PLCB1: variants seen among roughly 807,000 people sequenced by gnomAD.
PLCB1 encodes phospholipase C beta 1.
PLCB1 carries 46 observed loss-of-function variants against 161.8 expected under a neutral mutation model. The ratio of observed to expected loss-of-function variants is 0.28; its 90% CI spans 0.22 to 0.36. The LOEUF (loss-of-function observed/expected upper bound fraction) is 0.36. PLCB1 is among the 10% of genes least tolerant of loss of function. The pLI is 1.00. For synonymous variants in PLCB1, 517 were observed against 503.7 expected (o/e 1.03, Z -0.35); for missense variants, 1,016 against 1,472.5 (o/e 0.69, Z 5.07).
rs202026947 is a variant in PLCB1, at chr20:8,525,781, CT to C, written c.247-102500del. 5.4e-3 allele frequency among the ~76,000 whole-genome samples: 773 copies of C among 142,296 alleles called. 1 individual carries two copies. Among genetic ancestry groups the C allele is most frequent in the Non-Finnish European group, 6.4e-3 (415 of 64,662 alleles). The allele number at this position is 142,296 out of a possible 152,430, so 93.4% of individuals were successfully genotyped here. The stretch of plus-strand genomic sequence containing the variant: ...TCTATCCAACAATTGAAAAAAACAG[CT>C]TTTTTTTTTTTTGCTTGGAGGCTAG... On this transcript the variant is annotated intron_variant, in intron 3 of 31. Transcript: ENST00000338037.
chr20:8,144,322 ATTT>A (rs2051432625), intron 1 of PLCB1, among the ~76,000 whole-genome samples: 1 of 152,114 alleles, frequency 6.6e-6, no homozygotes, highest in Admixed American at 6.5e-5. Flanking sequence ...CTGGGCTTTA[ATTT>A]GGTTCTCTCG....
At chr20:8,553,658 A>T (rs188370211) in intron 3 of PLCB1, among the ~76,000 whole-genome samples, 3 of 152,230 alleles carry the variant, frequency 2.0e-5, no homozygotes, top group African/African-American at 7.2e-5. Flanking sequence ...AGTAAAGGAA[A>T]ATTCAAGCAA....
At chr20:8,330,642 A>G (rs1985331793) in intron 2 of PLCB1, among the ~76,000 whole-genome samples, 1 of 152,134 alleles carries the variant, frequency 6.6e-6, no homozygotes, top group Admixed American at 6.5e-5. Context: ...CAGGATTCCT[A>G]TTTTCTTGAT....
intron 10 of PLCB1, among the ~76,000 whole-genome samples, chr20:8,685,570 CAA>C (rs72078385): frequency 8.2e-6 from 1 of 121,606 alleles, no homozygotes; most frequent in Admixed American, 9.1e-5. Flanking sequence ...ACTAAAAATA[CAA>C]AAAAAAAAAA....
At chr20:8,744,616 T>TAAATTAAAATAAAATAAAATAAAATA (rs1981057558) in intron 23 of PLCB1, among the ~76,000 whole-genome samples, 2 of 121,220 alleles carry the variant, frequency 1.6e-5, no homozygotes, top group African/African-American at 6.4e-5. Context: ...AAAAATAAAA[T>TAAATTAAAATAAAATAAAATAAAATA]AAATAAAATA....
At position 8,418,776 on chromosome 20, in the gene PLCB1, G is replaced by C. The variant is rs1054338404; in HGVS notation, c.246+47326G>C. On this transcript the variant is annotated intron_variant, in intron 3 of 31. Transcript: ENST00000338037. Reference sequence around the variant, plus strand: ...TAAAGCACTAAACTCTAGAGGCATGGGTTGGCTGAAACACACAGATGACTT... The same window carrying C: ...TAAAGCACTAAACTCTAGAGGCATGCGTTGGCTGAAACACACAGATGACTT... 3.3e-5 allele frequency among the ~76,000 whole-genome samples: 5 copies of C among 152,030 alleles called. No homozygotes were observed. In the East Asian group the frequency reaches 9.7e-4, roughly 29 times the overall value.
intron 3 of PLCB1, among the ~76,000 whole-genome samples, chr20:8,394,594 A>G (rs1293746802): frequency 6.6e-6 from 1 of 152,150 alleles, no homozygotes; most frequent in Non-Finnish European, 1.5e-5. Flanking sequence ...AAATGAAGTT[A>G]ATAGTACTAT....
At chr20:8,385,447 C>T (rs557894505) in intron 3 of PLCB1, among the ~76,000 whole-genome samples, 5 of 152,328 alleles carry the variant, frequency 3.3e-5, no homozygotes, top group Admixed American at 6.5e-5. Context: ...GGGAGCTTAG[C>T]GTGACAGGCA....
chr20:8,228,880 A>C (rs6055675), intron 2 of PLCB1, among the ~76,000 whole-genome samples: 103,659 of 151,882 alleles, frequency 0.68, 35,545 homozygotes, highest in East Asian at 0.77. Context: ...AGAAGCTCAC[A>C]ATTTGTTTTG....
intron 3 of PLCB1, among the ~76,000 whole-genome samples, chr20:8,603,069 G>A (rs531531887): frequency 6.6e-5 from 10 of 152,208 alleles, no homozygotes; most frequent in South Asian, 6.2e-4. Flanking sequence ...GAAGGACACC[G>A]AAACACAGAA....
At position 8,883,866 on chromosome 20, in the gene PLCB1, G is replaced by A. The variant is rs1419491910; in HGVS notation, c.*2017G>A. On this transcript the variant is annotated 3_prime_UTR_variant, in exon 32 of 32. Transcript: ENST00000338037. The stretch of plus-strand genomic sequence containing the variant: ...TCTACTTTTGCACTTTGAAAGAAAG[G>A]CGTTAATCATAAAGAAGCAAGAATG... The A allele has an allele frequency of 6.6e-6, 1 of 152,442 alleles. No individual in the cohort carries two copies. The highest frequency in any genetic ancestry group is 1.5e-5 in the Non-Finnish European group (1 of 67,954). The allele number at this position is 152,442 out of a possible 1,614,324, so 9.4% of individuals were successfully genotyped here.
chr20:8,350,941 C>T (rs748872522), intron 2 of PLCB1, among the ~76,000 whole-genome samples: 7 of 151,968 alleles, frequency 4.6e-5, no homozygotes, highest in Non-Finnish European at 7.4e-5. Flanking sequence ...CATTGAACCA[C>T]GGATTCAATG....
chr20:8,817,222 A>G (rs1288733859), intron 31 of PLCB1, among the ~76,000 whole-genome samples: 1 of 152,228 alleles, frequency 6.6e-6, no homozygotes, highest in Non-Finnish European at 1.5e-5. Flanking sequence ...AAATGCATCA[A>G]TGAATGGGAA....
chr20:8,432,190 A>T (rs1980074097), intron 3 of PLCB1, among the ~76,000 whole-genome samples: 1 of 152,132 alleles, frequency 6.6e-6, no homozygotes, highest in Non-Finnish European at 1.5e-5. Flanking sequence ...TGAAAGAGGG[A>T]AACAGGGACG....
At chr20:8,808,498 A>C (rs1456351470) in intron 31 of PLCB1, among the ~76,000 whole-genome samples, 1 of 152,146 alleles carries the variant, frequency 6.6e-6, no homozygotes, top group African/African-American at 2.4e-5. Context: ...ATATAATCAC[A>C]TTGAGGGTTA....
Position 8,340,791 on chromosome 20 carries a change from T to G in PLCB1, c.178-30591T>G, listed in dbSNP as rs187822123. ...GAATTGTTACCACCGGCCGAATACC[T>G]AAACACTATCATTCTGTGCTCCTGA... On this transcript the variant is annotated intron_variant, in intron 2 of 31. Coordinates refer to ENST00000338037, the MANE Select transcript of PLCB1 (RefSeq NM_015192.4). 2.0e-5 allele frequency among the ~76,000 whole-genome samples: 3 copies of G among 152,322 alleles called. No homozygotes were observed. In the East Asian group the frequency reaches 5.8e-4, roughly 29 times the overall value.
chr20:8,739,113 T>G (rs1305885401), intron 20 of PLCB1, 148 bp from the exon 21 acceptor site: 5 of 636,040 alleles, frequency 7.9e-6, no homozygotes, highest in Non-Finnish European at 1.4e-5. Context: ...ATCACGCCAC[T>G]GCACTTCAGC....
Position 8,628,425 on chromosome 20 carries a change from G to T in PLCB1, c.378G>T (p.Val126=). 6.2e-7 allele frequency: 1 copy of T among 1,613,986 alleles called. No homozygotes were observed. Among genetic ancestry groups the T allele is most frequent in the Non-Finnish European group, 8.5e-7 (1 of 1,179,968 alleles). The change falls in exon 4 of 32, where the codon GTG becomes GTT. Residue 126 remains valine (V), a synonymous_variant. Transcript: ENST00000338037. ...ATCTCGTGGCTTTCCAAGAAGAAGTGGCCAAGGTATGGTGGATGGAAATTG... is the reference window on the plus strand; with the variant it reads ...ATCTCGTGGCTTTCCAAGAAGAAGTTGCCAAGGTATGGTGGATGGAAATTG... The part of the protein sequence containing the change: ...HLNLVAFQEE[V]AKEWTNEVFS...
intron 31 of PLCB1, among the ~76,000 whole-genome samples, chr20:8,844,546 C>T (rs6140758): frequency 0.26 from 39,713 of 151,874 alleles, 6,883 homozygotes; most frequent in East Asian, 0.63. Flanking sequence ...GGCCACTGCA[C>T]TCCTGCCTGG....
Sources: gnomAD v4.1 joint callset for allele counts (sites outside exome capture counted in the v4.1 genomes callset) on GRCh38, gnomAD v4.1.1 for gene constraint, MANE v1.5 for transcripts, NCBI Gene and HGNC (gene_info 2026-07-23, HGNC 2026-07-21) for gene names.